Variants in CTDP1 observed in about 807,000 individuals in gnomAD.
CTDP1 encodes CTD phosphatase 1.
Under a neutral mutation model 91.8 loss-of-function variants are expected in CTDP1, and 47 were observed. That is an observed-to-expected ratio of 0.51 (90% CI 0.41 to 0.65). The LOEUF (loss-of-function observed/expected upper bound fraction) is 0.65. Ranked by LOEUF, CTDP1 falls within the 30% of genes least tolerant of loss-of-function variation. CTDP1 has a pLI of 0.00. For synonymous variants in CTDP1, 656 were observed against 598.5 expected (o/e 1.10, Z -1.40); for missense variants, 1,272 against 1,373.7 (o/e 0.93, Z 1.17).
intron 11 of CTDP1, among the ~76,000 whole-genome samples, chr18:79,733,014 T>C (rs1369579490): frequency 6.6e-6 from 1 of 152,246 alleles, no homozygotes; most frequent in Non-Finnish European, 1.5e-5. Context: ...CTCTAAAGCA[T>C]GCACCCCCAC....
At chr18:79,683,646 C>T (rs1414266404) in intron 1 of CTDP1, among the ~76,000 whole-genome samples, 1 of 152,228 alleles carries the variant, frequency 6.6e-6, no homozygotes, top group Non-Finnish European at 1.5e-5. Flanking sequence ...GGCGATCTGA[C>T]GTTGGAATTC....
upstream of CTDP1, chr18:79,679,793 G>C: frequency 1.5e-6 from 1 of 658,516 alleles, no homozygotes; most frequent in Non-Finnish European, 2.4e-6. Flanking sequence ...GACGTCACGC[G>C]CCCTCCAGGA....
chr18:79,690,476 T>C (rs1328391187), intron 1 of CTDP1, among the ~76,000 whole-genome samples: 1 of 152,236 alleles, frequency 6.6e-6, no homozygotes, highest in Non-Finnish European at 1.5e-5. Flanking sequence ...TGTATCCGCA[T>C]TCAAGAATCC....
At chr18:79,698,377 A>G (rs1040557882) in intron 4 of CTDP1, among the ~76,000 whole-genome samples, 1 of 152,116 alleles carries the variant, frequency 6.6e-6, no homozygotes, top group Non-Finnish European at 1.5e-5. Flanking sequence ...TTATGTTGCT[A>G]GGATGTCAAG....
chr18:79,694,280 CGCTGAGTGCTGGGCGGTCTCATGTCCACG>C (rs1568178163), intron 1 of CTDP1, among the ~76,000 whole-genome samples: 9 of 113,298 alleles, frequency 7.9e-5, no homozygotes, highest in Non-Finnish European at 1.4e-4. Context: ...TAGGGGTGGG[CGCTGAGTGCTGGGCGGTCTCATGTCCACG>C]GGGTGGGGTG....
At chr18:79,723,388 C>T (rs536779060) in intron 10 of CTDP1, among the ~76,000 whole-genome samples, 2 of 152,310 alleles carry the variant, frequency 1.3e-5, no homozygotes, top group East Asian at 1.9e-4. Context: ...ATTCTGTTCT[C>T]GGAACCCCGT....
chr18:79,679,969 C>T lies in CTDP1; in HGVS notation c.22C>T (p.Arg8Cys). The part of the protein sequence containing the change: MEVPAAG[R>C]VPAEGAPTAA... ...CGCGATGGAGGTGCCGGCCGCGGGT[C>T]GCGTTCCTGCCGAGGGCGCCCCGAC... is the stretch of plus-strand genomic sequence containing the variant. Residue 8 changes from arginine (R) to cysteine (C), a missense_variant, in exon 1 of 13, where the codon CGC (arginine) becomes TGC (cysteine). Arg to Cys is a radical substitution (Grantham distance 180, BLOSUM62 -3). This residue lies in a region of CTDP1 where 214 missense variants were observed against 179.1 expected (regional missense o/e 1.19). Transcript: ENST00000613122. 7.3e-7 allele frequency: 1 copy of T among 1,376,664 alleles called. No individual in the cohort carries two copies. Among genetic ancestry groups the T allele is most frequent in the South Asian group, 1.5e-5 (1 of 66,420 alleles). The allele number at this position is 1,376,664 out of a possible 1,614,324, so 85.3% of individuals were successfully genotyped here.
chr18:79,721,982 C>G (rs1341512255), intron 10 of CTDP1, among the ~76,000 whole-genome samples: 2 of 152,124 alleles, frequency 1.3e-5, no homozygotes, highest in East Asian at 1.9e-4. Flanking sequence ...TGCCACCACG[C>G]CTGGCTAATC....
At position 79,711,589 on chromosome 18, in the gene CTDP1, G is replaced by A. The variant is rs187760810; in HGVS notation, c.863+1153G>A. Among the ~76,000 whole-genome samples, 5 of 152,284 alleles carry A rather than the reference G, an allele frequency of 3.3e-5. No homozygotes were observed. The South Asian group carries it at 6.2e-4, about 19-fold the overall frequency. ...AGCTCTGCGGGGCCACTGGTTTAGCGGCAGTTCTTGACATCAGCGTCAGCA... is the reference window on the plus strand; with the variant it reads ...AGCTCTGCGGGGCCACTGGTTTAGCAGCAGTTCTTGACATCAGCGTCAGCA... On this transcript the variant is annotated intron_variant, in intron 6 of 12. Coordinates refer to ENST00000613122, the MANE Select transcript of CTDP1 (RefSeq NM_004715.5).
At chr18:79,749,202 T>A (rs889175865) in intron 12 of CTDP1, among the ~76,000 whole-genome samples, 1 of 152,180 alleles carries the variant, frequency 6.6e-6, no homozygotes, top group Admixed American at 6.5e-5. Flanking sequence ...TCGCTTGATT[T>A]TAGAAAGAAA....
Position 79,713,526 on chromosome 18 carries a change from G to A in CTDP1, c.1030+388G>A, listed in dbSNP as rs1045153839. On this transcript the variant is annotated intron_variant, in intron 7 of 12. Coordinates refer to ENST00000613122, the MANE Select transcript of CTDP1 (RefSeq NM_004715.5). This position sits in a 1 kb window ranked among gnomAD's most constrained non-coding sequence, Gnocchi z 4.7. ...TGCGGGGAATAACCGTTCCCCATGC[G>A]CAGTGGTCAGGCTGGGCGCTGGCTG... Among the ~76,000 whole-genome samples, 5 of 152,358 alleles carry A rather than the reference G, an allele frequency of 3.3e-5. No individual in the cohort carries two copies. The highest frequency in any genetic ancestry group is 1.3e-4 in the Admixed American group (2 of 15,306).
intron 10 of CTDP1, among the ~76,000 whole-genome samples, chr18:79,721,038 G>A (rs558438364): frequency 7.2e-5 from 11 of 152,354 alleles, no homozygotes; most frequent in African/African-American, 2.6e-4. Flanking sequence ...GAAGGGCCCT[G>A]AGCATGGCAC....
intron 4 of CTDP1, chr18:79,702,823 C>G (rs1264709672): frequency 1.3e-5 from 2 of 152,192 alleles, no homozygotes; most frequent in African/African-American, 4.8e-5. Flanking sequence ...CTCAGTATCT[C>G]CAGGATAGGC....
In CTDP1 at chr18:79,717,805, G is replaced by A. The variant is rs766580475; in HGVS notation, c.2211-5G>A. 21 of 1,613,564 alleles carry A rather than the reference G, an allele frequency of 1.3e-5. No homozygotes were observed. The highest frequency in any genetic ancestry group is 1.7e-5 in the Admixed American group (1 of 60,004). ...CTCATGGCCCTCGTTCTCTTCCTCC[G>A]ACAGGGAGAACAGCCCTGCGGCCTT... On this transcript the variant is annotated splice_polypyrimidine_tract_variant and splice_region_variant and intron_variant, in intron 9 of 12. Transcript: ENST00000613122.
chr18:79,729,309 T>C (rs371440497), intron 11 of CTDP1, among the ~76,000 whole-genome samples: 2 of 152,188 alleles, frequency 1.3e-5, no homozygotes, highest in Non-Finnish European at 2.9e-5. Flanking sequence ...ACGTGGAAGT[T>C]GTGGCTTAGG....
chr18:79,678,538 G>A (rs556603342), upstream of CTDP1: 1 of 152,266 alleles, frequency 6.6e-6, no homozygotes, highest in African/African-American at 2.4e-5. Flanking sequence ...GCTCAAGTGT[G>A]GCCCAAATAA....
Position 79,710,365 on chromosome 18 carries a change from G to A in CTDP1, c.792G>A (p.Lys264=). The change falls in exon 6 of 13, where the codon AAG becomes AAA. Residue 264 remains lysine, a synonymous_variant. Coordinates refer to ENST00000613122, the MANE Select transcript of CTDP1 (RefSeq NM_004715.5). ...HTIAGFLDPE[K]KLFSHRILSR... The stretch of plus-strand genomic sequence containing the variant: ...TCCAAGGCTTTTTAGACCCCGAGAA[G>A]AAGCTTTTTTCTCACCGAATATTAT... 1 of 1,613,906 alleles carries A rather than the reference G, an allele frequency of 6.2e-7. No individual in the cohort carries two copies. The highest frequency in any genetic ancestry group is 8.5e-7 in the Non-Finnish European group (1 of 1,179,874).
At chr18:79,729,364 C>T (rs1270393874) in intron 11 of CTDP1, among the ~76,000 whole-genome samples, 1 of 152,216 alleles carries the variant, frequency 6.6e-6, no homozygotes, top group Non-Finnish European at 1.5e-5. Flanking sequence ...CCCAGCCCCT[C>T]CGGCTCTCCC....
At chr18:79,717,709 C>T in intron 9 of CTDP1, 33 bp downstream of exon 9, 2 of 1,613,966 alleles carry the variant, frequency 1.2e-6, no homozygotes, top group Non-Finnish European at 1.7e-6. Flanking sequence ...AGGTCCGTGC[C>T]AGGCGTTCCC....
Sources: gnomAD v4.1 joint callset for allele counts (sites outside exome capture counted in the v4.1 genomes callset) on GRCh38, gnomAD v4.1.1 for gene constraint, gnomAD v4.1.1 regional missense constraint, Gnocchi (gnomAD v3.1) non-coding constraint, MANE v1.5 for transcripts, NCBI Gene and HGNC (gene_info 2026-07-23, HGNC 2026-07-21) for gene names.